The following CDCP2 variants were observed in gnomAD, a reference collection of about 807,000 sequenced individuals.
CDCP2 encodes the protein CUB domain containing protein 2, also known as CUB domain-containing protein 2.
A neutral mutation model predicts 31.0 loss-of-function variants in CDCP2; 31 were observed. The ratio of observed to expected loss-of-function variants is 1.00; its 90% CI spans 0.75 to 1.35. The LOEUF is 1.35. Among genes scored for constraint, CDCP2 ranks in the 40% most tolerant of loss-of-function variants. The pLI, the probability that CDCP2 is intolerant of heterozygous loss-of-function variation, is 0.00. For synonymous variants in CDCP2, 206 were observed against 207.9 expected, an observed-to-expected ratio of 0.99 and a Z score of 0.08; for missense variants, 443 against 482.6, an observed-to-expected ratio of 0.92 and a Z score of 0.77.
At chr1:54,142,343 A>G (rs1270022067) in intron 2 of CDCP2, 1 of 152,260 alleles carries the variant, frequency 6.6e-6, no homozygotes, top group African/African-American at 2.4e-5. Flanking sequence ...GTAGTCTCCC[A>G]TCTCTGCCTT....
chr1:54,147,262 T>C lies in CDCP2; in HGVS notation c.80-2449A>G, dbSNP rs1182564872. 2.0e-5 allele frequency among the ~76,000 whole-genome samples: 3 copies of C among 151,786 alleles called. No homozygotes were observed. The East Asian group carries it at 5.8e-4, about 29-fold the overall frequency. ...AAGAAATTGAAATGAAACTCATTGG[T>C]TTATTTTAGAGGTTGCTAGGCACTA... On this transcript the variant is annotated intron_variant, in intron 1 of 5. Transcript: ENST00000530059.
exon 4 of CDCP2, chr1:54,139,843 G>C (rs779700966): frequency 6.2e-7 from 1 of 1,614,076 alleles, no homozygotes; most frequent in South Asian, 1.1e-5. Flanking sequence ...GAGGTCACGG[G>C]TGGTGGCAGG....
At chr1:54,140,889 T>G in intron 3 of CDCP2, 1 of 446,966 alleles carries the variant, frequency 2.2e-6, no homozygotes, top group South Asian at 8.2e-5. Flanking sequence ...GAAAAAAGGA[T>G]TAATTCTGGT....
chr1:54,132,868 G>A (rs958709575), downstream of CDCP2: 42 of 397,588 alleles, frequency 1.1e-4, no homozygotes, highest in South Asian at 1.4e-4. Context: ...GATATGACCT[G>A]CCAATGGTCA....
At chr1:54,149,940 T>C (rs1330014392) in intron 1 of CDCP2, among the ~76,000 whole-genome samples, 2 of 152,202 alleles carry the variant, frequency 1.3e-5, no homozygotes, top group African/African-American at 2.4e-5. Context: ...AAGTCACTTG[T>C]TGTAGTGAAC....
intron 1 of CDCP2, among the ~76,000 whole-genome samples, chr1:54,147,308 T>A (rs74874429): frequency 0.046 from 6,951 of 151,912 alleles, 324 homozygotes; most frequent in African/African-American, 0.091. Flanking sequence ...CAATTTTTTT[T>A]AGGAAATTGA....
rs757571164 is a variant in CDCP2 at position 54,140,072 on chromosome 1, GC to G, written c.797del (p.Gly266AlafsTer45). 6.2e-6 allele frequency: 10 copies of G among 1,613,448 alleles called. No individual in the cohort carries two copies. In the African/African-American group the frequency reaches 1.1e-4, roughly 17 times the overall value. On this transcript the variant is annotated frameshift_variant, in exon 4 of 6. Transcript: ENST00000530059. LOFTEE classifies it high-confidence loss of function. ...TGGGGTACTGTGGGCTGGAGAAGTT[GC>G]CCCGCATGGCCATGTATACCTCCTG...
chr1:54,134,782 C>G (rs889791630), intron 5 of CDCP2, among the ~76,000 whole-genome samples: 5 of 151,644 alleles, frequency 3.3e-5, no homozygotes, highest in African/African-American at 1.2e-4. Flanking sequence ...GTTGCCCAGG[C>G]TGGAGTGTAG....
chr1:54,141,226 G>A (rs368780490), exon 3 of CDCP2: 13 of 1,613,604 alleles, frequency 8.1e-6, no homozygotes, highest in Non-Finnish European at 1.1e-5. Context: ...GTGCCCACGG[G>A]TGGGGCCAGG....
chr1:54,134,993 T>C (rs528911997), intron 5 of CDCP2, among the ~76,000 whole-genome samples: 4 of 152,250 alleles, frequency 2.6e-5, no homozygotes, highest in South Asian at 4.1e-4. Flanking sequence ...TATGTGTCTA[T>C]TCCAACTTTG....
intron 2 of CDCP2, chr1:54,141,653 C>A: frequency 2.0e-6 from 1 of 512,318 alleles, no homozygotes; most frequent in Non-Finnish European, 3.4e-6. Context: ...AGTAGCCGCA[C>A]AAGGACTGTG....
At chr1:54,139,676 G>C (rs201259626) in intron 4 of CDCP2, 77 bp downstream of exon 4, 11 of 1,614,086 alleles carry the variant, frequency 6.8e-6, no homozygotes, top group Non-Finnish European at 8.5e-6. Context: ...GTGGGATGGA[G>C]GAAGGAGACT....
intron 5 of CDCP2, among the ~76,000 whole-genome samples, chr1:54,135,433 T>A (rs1659242211): frequency 1.3e-5 from 2 of 152,238 alleles, no homozygotes. Flanking sequence ...GTTACACTAA[T>A]AATCCATGAA....
intron 2 of CDCP2, among the ~76,000 whole-genome samples, chr1:54,143,213 G>A (rs1027679135): frequency 1.1e-4 from 17 of 152,200 alleles, no homozygotes; most frequent in East Asian, 1.9e-4. Flanking sequence ...GGTGGCGCGC[G>A]CCTGTAATCC....
chr1:54,144,882 G>A, intron 1 of CDCP2, 69 bp from the exon 2 acceptor site: 1 of 1,238,436 alleles, frequency 8.1e-7, no homozygotes, highest in Non-Finnish European at 1.1e-6. Context: ...AAGGGCAGTG[G>A]GCCCAGCTAC....
intron 4 of CDCP2, among the ~76,000 whole-genome samples, chr1:54,137,053 G>C (rs906358774): frequency 6.6e-6 from 1 of 152,136 alleles, no homozygotes; most frequent in African/African-American, 2.4e-5. Context: ...GCGTCCTCTG[G>C]GCCCAGCACA....
At chr1:54,150,494 C>T (rs1257424162) in intron 1 of CDCP2, among the ~76,000 whole-genome samples, 1 of 152,046 alleles carries the variant, frequency 6.6e-6, no homozygotes, top group East Asian at 1.9e-4. Flanking sequence ...ACTCAGGAGG[C>T]TGAGACAGGA....
intron 5 of CDCP2, among the ~76,000 whole-genome samples, chr1:54,134,342 G>A (rs929051354): frequency 1.3e-5 from 2 of 152,222 alleles, no homozygotes; most frequent in African/African-American, 2.4e-5. Flanking sequence ...AAGAGCCATC[G>A]AGGAACAAGA....
chr1:54,138,433 C>A (rs1404579990), intron 4 of CDCP2: 1 of 152,314 alleles, frequency 6.6e-6, no homozygotes, highest in Non-Finnish European at 1.5e-5. Flanking sequence ...CACGGCTCTG[C>A]CGCAAGCTTG....
Sources: allele counts gnomAD v4.1 joint callset (sites outside exome capture counted in the v4.1 genomes callset), GRCh38; gene constraint gnomAD v4.1.1; transcripts MANE v1.5; gene names NCBI Gene and HGNC (gene_info 2026-07-23, HGNC 2026-07-21).